The following SINHCAF variants were observed in gnomAD, a reference collection of about 807,000 sequenced individuals.
SINHCAF encodes SIN3-HDAC complex associated factor.
A neutral mutation model predicts 25.8 loss-of-function variants in SINHCAF; 3 were observed. The observed-to-expected ratio is 0.12, with a 90% CI of 0.05 to 0.30. The LOEUF is 0.30. SINHCAF is among the 10% of genes least tolerant of loss of function. The pLI is 1.00. For synonymous variants in SINHCAF, 70 were observed against 85.5 expected (o/e 0.82, Z 1.00); for missense variants, 121 against 262.3 (o/e 0.46, Z 3.72).
rs1404587325 is a variant in SINHCAF, at chr12:31,281,665, C to T, written c.*1047G>A. The T allele has an allele frequency of 6.6e-6, 1 of 152,182 alleles. No homozygotes were observed. The highest frequency in any genetic ancestry group is 1.5e-5 in the Non-Finnish European group (1 of 68,026). The allele number at this position is 152,182 out of a possible 1,614,324, so 9.4% of individuals were successfully genotyped here. A position where few individuals can be genotyped will look rare whatever the true frequency, so the allele number is the denominator to read the frequency against. ...ACATTTTATTTTTCAGATAGCTTAA[C>T]ATTTTTAATCGAGTGTGTTCTCTAC... On this transcript the variant is annotated 3_prime_UTR_variant, in exon 6 of 6. Coordinates refer to ENST00000337682, the MANE Select transcript of SINHCAF (RefSeq NM_001135812.2).
intron 1 of SINHCAF, among the ~76,000 whole-genome samples, chr12:31,320,536 A>G (rs1939658194): frequency 6.6e-6 from 1 of 152,174 alleles, no homozygotes; most frequent in Non-Finnish European, 1.5e-5. Context: ...TACATAGTAC[A>G]CAGAAACGGG....
rs1937755197 is a variant in SINHCAF, at chr12:31,280,691, A to G, written c.*2021T>C. 1 of 152,574 alleles carries G rather than the reference A, an allele frequency of 6.6e-6. No individual in the cohort carries two copies. The highest frequency in any genetic ancestry group is 1.5e-5 in the Non-Finnish European group (1 of 68,006). 9.5% of individuals were successfully genotyped at this position (152,574 alleles called of 1,614,324 possible). On this transcript the variant is annotated 3_prime_UTR_variant, in exon 6 of 6. Coordinates refer to ENST00000337682, the MANE Select transcript of SINHCAF (RefSeq NM_001135812.2). Reference sequence around the variant, plus strand: ...AAACAGATCTGTAGATTTCTAATATATTAATACAAAGTGCATGACTACATA... The same window carrying G: ...AAACAGATCTGTAGATTTCTAATATGTTAATACAAAGTGCATGACTACATA...
At chr12:31,286,428 G>A (rs1344388775) in intron 5 of SINHCAF, among the ~76,000 whole-genome samples, 1 of 152,140 alleles carries the variant, frequency 6.6e-6, no homozygotes, top group Non-Finnish European at 1.5e-5. Flanking sequence ...TTGGGAGGCT[G>A]AGGCAGGTGG....
intron 1 of SINHCAF, among the ~76,000 whole-genome samples, chr12:31,316,939 G>A (rs184055527): frequency 2.6e-4 from 39 of 152,222 alleles, no homozygotes; most frequent in Non-Finnish European, 4.9e-4. Context: ...TTCTTATTAC[G>A]ATGAATTTAA....
chr12:31,307,880 C>T (rs1420288970), intron 1 of SINHCAF, among the ~76,000 whole-genome samples: 1 of 152,130 alleles, frequency 6.6e-6, no homozygotes, highest in Non-Finnish European at 1.5e-5. Context: ...ATGTGTTCCC[C>T]CCATCTTCAT....
chr12:31,285,418 TACACACAC>T (rs71444392), intron 5 of SINHCAF, among the ~76,000 whole-genome samples: 58 of 141,442 alleles, frequency 4.1e-4, no homozygotes, highest in East Asian at 2.7e-3. Flanking sequence ...TATATATACA[TACACACAC>T]ACACACACAC....
intron 1 of SINHCAF, among the ~76,000 whole-genome samples, chr12:31,321,181 C>G (rs893732533): frequency 1.3e-5 from 2 of 151,972 alleles, no homozygotes; most frequent in Admixed American, 1.3e-4. Flanking sequence ...AAACAAAAGA[C>G]AACAAAAAAG....
At chr12:31,298,326 A>G (rs762240996) in intron 1 of SINHCAF, 102 bp from the exon 2 acceptor site, 3 of 1,398,698 alleles carry the variant, frequency 2.1e-6, no homozygotes, top group Admixed American at 1.7e-5. Flanking sequence ...ACTTGGTGTT[A>G]TATGACCAAG....
chr12:31,296,885 T>C (rs1372649642), intron 2 of SINHCAF: 3 of 320,838 alleles, frequency 9.4e-6, no homozygotes, highest in Non-Finnish European at 1.9e-5. Context: ...CAAACGATTA[T>C]ATTGCTGAGT....
intron 1 of SINHCAF, among the ~76,000 whole-genome samples, chr12:31,323,029 T>C (rs1158361440): frequency 5.3e-5 from 8 of 152,190 alleles, no homozygotes; most frequent in Non-Finnish European, 1.0e-4. Flanking sequence ...AGCTAGCCGT[T>C]ACCCTGTGTC....
Position 31,285,416 on chromosome 12 carries a change from C to CAT in SINHCAF, c.506+2216_506+2217dup, listed in dbSNP as rs572248741. ...ACATAGACATATATTTATATATATA[C>CAT]ATACACACACACACACACACACACA... is the stretch of plus-strand genomic sequence containing the variant. On this transcript the variant is annotated intron_variant, in intron 5 of 5. Coordinates refer to ENST00000337682, the MANE Select transcript of SINHCAF (RefSeq NM_001135812.2). 5.3e-3 allele frequency among the ~76,000 whole-genome samples: 633 copies of CAT among 119,364 alleles called. 11 individuals carry two copies. The highest frequency in any genetic ancestry group is 0.019 in the African/African-American group (563 of 29,416). 78.3% of individuals were successfully genotyped at this position (119,364 alleles called of 152,430 possible).
chr12:31,314,516 A>G (rs752916296), intron 1 of SINHCAF, among the ~76,000 whole-genome samples: 25 of 151,358 alleles, frequency 1.7e-4, no homozygotes, highest in Non-Finnish European at 1.9e-4. Flanking sequence ...ACAGAGCGAG[A>G]CTCCGTCTCA....
At chr12:31,292,000 GAATTT>G (rs1938350293) in intron 4 of SINHCAF, among the ~76,000 whole-genome samples, 1 of 152,068 alleles carries the variant, frequency 6.6e-6, no homozygotes, top group Non-Finnish European at 1.5e-5. Context: ...ATTATCAAAG[GAATTT>G]ATTTTCAGTC....
At position 31,325,385 on chromosome 12, in the gene SINHCAF, A is replaced by T. The variant is rs1195545845; in HGVS notation, c.-21+639T>A. On this transcript the variant is annotated intron_variant, in intron 1 of 5. Coordinates refer to ENST00000337682, the MANE Select transcript of SINHCAF (RefSeq NM_001135812.2). The surrounding 1 kb of genome is among the most constrained non-coding windows in gnomAD (Gnocchi z 5.9). ...CCTCCGGAGTTGAGCAAACAACGCCACGCCGCGTGCGCTCCGGCAGAGCCC... is the reference window on the plus strand; with the variant it reads ...CCTCCGGAGTTGAGCAAACAACGCCTCGCCGCGTGCGCTCCGGCAGAGCCC... The T allele has an allele frequency of 2.7e-6, 1 of 375,762 alleles. No individual in the cohort carries two copies. The highest frequency in any genetic ancestry group is 7.3e-5 in the East Asian group (1 of 13,726). The allele number at this position is 375,762 out of a possible 1,614,324, so 23.3% of individuals were successfully genotyped here. A position where few individuals can be genotyped will look rare whatever the true frequency, so the allele number is the denominator to read the frequency against.
chr12:31,283,855 TACACACACACACACACACACACACAC>T (rs57162055), intron 5 of SINHCAF, among the ~76,000 whole-genome samples: 36 of 140,480 alleles, frequency 2.6e-4, no homozygotes, highest in Admixed American at 8.0e-4. Context: ...AGTTATCCAT[TACACACACACACACACACACACACAC>T]ACACACACAC....
At chr12:31,309,594 A>G (rs144680645) in intron 1 of SINHCAF, among the ~76,000 whole-genome samples, 25 of 150,946 alleles carry the variant, frequency 1.7e-4, no homozygotes, top group African/African-American at 5.6e-4. Flanking sequence ...TCCCTTTATT[A>G]TATTTCATTT....
At chr12:31,304,920 C>T (rs528855151) in intron 1 of SINHCAF, 1 of 152,346 alleles carries the variant, frequency 6.6e-6, no homozygotes, top group Admixed American at 6.5e-5. Context: ...TCAAAGCAGA[C>T]AAGGCCAATA....
At chr12:31,296,565 T>C (rs1213224363) in intron 2 of SINHCAF, among the ~76,000 whole-genome samples, 1 of 152,062 alleles carries the variant, frequency 6.6e-6, no homozygotes, top group African/African-American at 2.4e-5. Flanking sequence ...AGAGAGGCAC[T>C]GTAGTTTTAA....
chr12:31,297,582 C>T (rs1276567429), intron 2 of SINHCAF, among the ~76,000 whole-genome samples: 3 of 149,638 alleles, frequency 2.0e-5, no homozygotes, highest in Non-Finnish European at 3.0e-5. Context: ...AAGTGATTCT[C>T]CTGCCTCAGC....
Sources: allele counts gnomAD v4.1 joint callset (sites outside exome capture counted in the v4.1 genomes callset), GRCh38; gene constraint gnomAD v4.1.1; non-coding constraint Gnocchi (gnomAD v3.1); transcripts MANE v1.5; gene names NCBI Gene and HGNC (gene_info 2026-07-23, HGNC 2026-07-21).